The following CNST variants were observed in gnomAD, a reference collection of about 807,000 sequenced individuals.
CNST encodes the protein consortin, connexin sorting protein, also known as consortin.
A neutral mutation model predicts 72.4 loss-of-function variants in CNST; 39 were observed. That is an observed-to-expected ratio of 0.54 (90% confidence interval 0.42 to 0.70). The LOEUF (loss-of-function observed/expected upper bound fraction) is 0.70. Among genes scored for constraint, CNST ranks in the 30% least tolerant of loss-of-function variants. The pLI is 0.00. For missense variants in CNST, 871 were observed against 868.5 expected (o/e 1.00, Z -0.04); for synonymous variants, 332 against 320.1 (o/e 1.04, Z -0.40).
Position 246,647,276 on chromosome 1 carries a change from C to T in CNST, c.1075C>T (p.His359Tyr), listed in dbSNP as rs1385354145. The change falls in exon 9 of 11, where the codon CAC becomes TAC. Residue 359 changes from histidine (H) to tyrosine (Y), a missense_variant. Coordinates refer to ENST00000366513, the MANE Select transcript of CNST (RefSeq NM_152609.3). ...PSLSVTAGKDHMEELLCSAEA... is the reference protein window; with the variant it reads ...PSLSVTAGKDYMEELLCSAEA... ...CCTTTCGGTAACTGCAGGAAAGGAC[C>T]ACATGGAGGAGCTGCTCTGCAGCGC... is the stretch of plus-strand genomic sequence containing the variant. 5.0e-6 allele frequency: 8 copies of T among 1,614,082 alleles called. No individual in the cohort carries two copies. Among genetic ancestry groups the T allele is most frequent in the Non-Finnish European group, 6.8e-6 (8 of 1,180,022 alleles).
chr1:246,604,112 CCATTATAGG>C (rs1022009058), intron 2 of CNST, among the ~76,000 whole-genome samples: 42 of 152,146 alleles, frequency 2.8e-4, no homozygotes, highest in African/African-American at 9.9e-4. Context: ...CGTGCCTGTA[CCATTATAGG>C]CATGAGCCAC....
Position 246,566,540 on chromosome 1 carries a change from T to TTTTTTAATGATA in CNST, c.-175_-174insTTTTTAATGATA. On this transcript the variant is annotated 5_prime_UTR_variant, in exon 1 of 11. The change creates a new upstream start codon in the 5' untranslated region. Coordinates refer to ENST00000366513, the MANE Select transcript of CNST (RefSeq NM_152609.3). The stretch of plus-strand genomic sequence containing the variant: ...GGGCGGAAAGGCGAGAGGTGTCTCC[T>TTTTTTAATGATA]CCACCGGAGCCAGGGGAGACCCGAG... 1 of 425,344 alleles carries TTTTTTAATGATA rather than the reference T, an allele frequency of 2.4e-6. No homozygotes were observed. Among genetic ancestry groups the TTTTTTAATGATA allele is most frequent in the Non-Finnish European group, 4.2e-6 (1 of 238,922 alleles). The allele number at this position is 425,344 out of a possible 1,614,324, so 26.3% of individuals were successfully genotyped here.
chr1:246,570,789 T>C (rs972276483), intron 1 of CNST, among the ~76,000 whole-genome samples: 1 of 152,238 alleles, frequency 6.6e-6, no homozygotes, highest in Non-Finnish European at 1.5e-5. Context: ...CAAGTGAGTC[T>C]TAGCAAATTT....
At chr1:246,661,912 A>C (rs909879189) in intron 10 of CNST, among the ~76,000 whole-genome samples, 2 of 152,180 alleles carry the variant, frequency 1.3e-5, no homozygotes, top group African/African-American at 4.8e-5. Flanking sequence ...TAACTCTCAC[A>C]GTCTTCTCCA....
At chr1:246,660,527 A>C (rs1001365637) in intron 10 of CNST, among the ~76,000 whole-genome samples, 193 bp downstream of exon 10, 5 of 152,186 alleles carry the variant, frequency 3.3e-5, no homozygotes, top group Admixed American at 6.5e-5. Flanking sequence ...GGAGTTCGAG[A>C]CAAGCCTGAC....
chr1:246,590,220 C>G (rs993263070), intron 1 of CNST, among the ~76,000 whole-genome samples: 3 of 152,100 alleles, frequency 2.0e-5, no homozygotes, highest in Non-Finnish European at 4.4e-5. Flanking sequence ...CGTGATAGAT[C>G]GAGCAAGCGT....
At chr1:246,569,943 C>CACCT in intron 1 of CNST, 1 of 981,422 alleles carries the variant, frequency 1.0e-6, no homozygotes. Context: ...TTATTGTGAA[C>CACCT]AGGTAGAGTA....
At chr1:246,665,000 G>A (rs936564500) in intron 10 of CNST, among the ~76,000 whole-genome samples, 1 of 152,058 alleles carries the variant, frequency 6.6e-6, no homozygotes, top group Non-Finnish European at 1.5e-5. Context: ...ATATTAAGTC[G>A]ACTTTGCTCT....
At chr1:246,616,255 G>A (rs1031743994) in intron 2 of CNST, among the ~76,000 whole-genome samples, 1 of 152,046 alleles carries the variant, frequency 6.6e-6, no homozygotes, top group African/African-American at 2.4e-5. Context: ...TTGTGTATCA[G>A]AAGGAATTTT....
At chr1:246,654,547 G>T (rs377578322) in intron 9 of CNST, among the ~76,000 whole-genome samples, 1 of 152,200 alleles carries the variant, frequency 6.6e-6, no homozygotes, top group Admixed American at 6.5e-5. Flanking sequence ...ATCTCTCTCT[G>T]TTATCGTAAG....
chr1:246,624,989 A>AT (rs965945729), intron 3 of CNST, among the ~76,000 whole-genome samples: 10 of 152,112 alleles, frequency 6.6e-5, no homozygotes, highest in African/African-American at 2.2e-4. Flanking sequence ...ACACACACGT[A>AT]TTTTTTCCAT....
chr1:246,575,105 C>T (rs1445060221), intron 1 of CNST, among the ~76,000 whole-genome samples: 3 of 151,922 alleles, frequency 2.0e-5, no homozygotes, highest in Admixed American at 6.6e-5. Flanking sequence ...AAGTGATTCT[C>T]GCCTCAGCCT....
chr1:246,572,444 A>G lies in CNST; in HGVS notation c.-52+5781A>G, dbSNP rs138063576. On this transcript the variant is annotated intron_variant, in intron 1 of 10. Coordinates refer to ENST00000366513, the MANE Select transcript of CNST (RefSeq NM_152609.3). ...GCTTTTATTCCCAGTATACAACTAA[A>G]TCTTAAAAATAATTTTTAGATGAAC... Among the ~76,000 whole-genome samples, 664 of 152,308 alleles carry G rather than the reference A, an allele frequency of 4.4e-3. 3 individuals carry two copies. Among genetic ancestry groups the G allele is most frequent in the African/African-American group, 0.015 (637 of 41,562 alleles).
chr1:246,612,501 C>G (rs867489278), intron 2 of CNST, among the ~76,000 whole-genome samples: 2 of 152,214 alleles, frequency 1.3e-5, no homozygotes, highest in African/African-American at 2.4e-5. Context: ...CCGTGGCCAG[C>G]TGTGGACGTG....
intron 3 of CNST, among the ~76,000 whole-genome samples, chr1:246,623,914 G>A (rs1664252524): frequency 9.0e-6 from 1 of 111,068 alleles, no homozygotes; most frequent in South Asian, 3.1e-4. Context: ...AAAAAAAAAT[G>A]TAGCCAGGCA....
intron 2 of CNST, among the ~76,000 whole-genome samples, chr1:246,613,072 A>C (rs1048838586): frequency 6.6e-6 from 1 of 152,186 alleles, no homozygotes; most frequent in African/African-American, 2.4e-5. Context: ...AGCATAATAC[A>C]ATTAGCTCCA....
At position 246,627,064 on chromosome 1, in the gene CNST, T is replaced by G. The variant is rs1412589141; in HGVS notation, c.586-4830T>G. 2.0e-5 allele frequency among the ~76,000 whole-genome samples: 3 copies of G among 152,336 alleles called. No individual in the cohort carries two copies. The East Asian group carries it at 5.8e-4, about 29-fold the overall frequency. ...TCACTGCTACCATTTCCGTACAGGATACCATCAAATCTCACCCAGATTCTT... is the reference window on the plus strand; with the variant it reads ...TCACTGCTACCATTTCCGTACAGGAGACCATCAAATCTCACCCAGATTCTT... On this transcript the variant is annotated intron_variant, in intron 3 of 10. Coordinates refer to ENST00000366513, the MANE Select transcript of CNST (RefSeq NM_152609.3).
chr1:246,598,976 A>G (rs1421948789), intron 2 of CNST, among the ~76,000 whole-genome samples: 1 of 152,112 alleles, frequency 6.6e-6, no homozygotes, highest in African/African-American at 2.4e-5. Context: ...TTAAGTTAAC[A>G]TTTCTTTGGA....
chr1:246,599,242 C>G (rs1662099957), intron 2 of CNST, among the ~76,000 whole-genome samples: 1 of 151,256 alleles, frequency 6.6e-6, no homozygotes, highest in East Asian at 1.9e-4. Context: ...AACAAGTTAT[C>G]ACAAATTTAC....
Sources: gnomAD v4.1 joint callset for allele counts (sites outside exome capture counted in the v4.1 genomes callset) on GRCh38, gnomAD v4.1.1 for gene constraint, MANE v1.5 for transcripts, NCBI Gene and HGNC (gene_info 2026-07-23, HGNC 2026-07-21) for gene names.